UNC5A: variants seen among roughly 807,000 people sequenced by gnomAD.
The protein encoded by UNC5A is netrin receptor UNC5A.
Under a neutral mutation model 87.4 loss-of-function variants are expected in UNC5A, and 20 were observed. The observed-to-expected ratio is 0.23, with a 90% CI of 0.16 to 0.33. The LOEUF is 0.33. Among genes scored for constraint, UNC5A ranks in the 10% least tolerant of loss-of-function variants. The probability of loss-of-function intolerance (pLI) is 1.00; values close to 1 mark genes in which losing one functional copy is unlikely to be tolerated. For missense variants in UNC5A, 844 were observed against 1,133.4 expected (o/e 0.74, Z 3.67); for synonymous variants, 438 against 482.3 (o/e 0.91, Z 1.20).
Position 176,879,351 on chromosome 5 carries a change from G to C in UNC5A, c.2226G>C (p.Ala742=). Residue 742 remains alanine, a synonymous_variant, in exon 14 of 15, where the codon GCG becomes GCC. Transcript: ENST00000329542. ...FAELLALESE[A]GVPALVGPSA... ...AGCTGCTGGCTCTGGAGAGTGAAGC[G>C]GGGGTCCCAGCCCTGGTGGGCCCCA... 1.2e-6 allele frequency: 2 copies of C among 1,611,736 alleles called. No individual in the cohort carries two copies. The highest frequency in any genetic ancestry group is 8.5e-7 in the Non-Finnish European group (1 of 1,179,222).
intron 1 of UNC5A, among the ~76,000 whole-genome samples, chr5:176,846,472 G>A (rs1176961445): frequency 6.6e-6 from 1 of 152,172 alleles, no homozygotes; most frequent in Non-Finnish European, 1.5e-5. Context: ...GGGGACAGGT[G>A]AGCATCCTTG....
rs200296286 is a variant in UNC5A, at chr5:176,879,703, C to T, written c.2364-18C>T. On this transcript the variant is annotated intron_variant, in intron 14 of 14. Transcript: ENST00000329542. Reference sequence around the variant, plus strand: ...TGGGGCCAGGCCAGGCTGCTGACGGCCCCCCTCCCCTCCACAGCCATCTCA... The same window carrying T: ...TGGGGCCAGGCCAGGCTGCTGACGGTCCCCCTCCCCTCCACAGCCATCTCA... 264 of 1,608,754 alleles carry T rather than the reference C, an allele frequency of 1.6e-4. No homozygotes were observed. Among genetic ancestry groups the T allele is most frequent in the Non-Finnish European group, 2.0e-4 (237 of 1,177,814 alleles).
At chr5:176,853,465 G>T (rs1757594087) in intron 1 of UNC5A, among the ~76,000 whole-genome samples, 1 of 152,158 alleles carries the variant, frequency 6.6e-6, no homozygotes, top group Admixed American at 6.5e-5. Context: ...TGTCCTCCTC[G>T]TGACTCCTGT....
At chr5:176,847,289 G>A (rs1217233010) in intron 1 of UNC5A, among the ~76,000 whole-genome samples, 2 of 152,306 alleles carry the variant, frequency 1.3e-5, no homozygotes, top group Non-Finnish European at 1.5e-5. Flanking sequence ...GACAGGGCTG[G>A]CCTCTGGGAC....
At chr5:176,826,271 C>T (rs1365539076) in intron 1 of UNC5A, among the ~76,000 whole-genome samples, 1 of 152,238 alleles carries the variant, frequency 6.6e-6, no homozygotes, top group Non-Finnish European at 1.5e-5. Flanking sequence ...TCTGCCCCAT[C>T]TATGAAATGG....
intron 13 of UNC5A, 57 bp from the exon 14 acceptor site, chr5:176,879,253 G>T: frequency 6.6e-7 from 1 of 1,511,858 alleles, no homozygotes; most frequent in East Asian, 2.3e-5. Context: ...AGGAGGTGGC[G>T]GTGGACCCGG....
chr5:176,855,580 A>T (rs998903058), intron 1 of UNC5A, among the ~76,000 whole-genome samples: 4 of 152,324 alleles, frequency 2.6e-5, no homozygotes, highest in Admixed American at 2.6e-4. Context: ...GAACACGCAG[A>T]ACCCCTGAGA....
intron 1 of UNC5A, among the ~76,000 whole-genome samples, chr5:176,839,492 C>T (rs1757220946): frequency 6.6e-6 from 1 of 152,238 alleles, no homozygotes; most frequent in Non-Finnish European, 1.5e-5. Flanking sequence ...TGAGCCCAGG[C>T]AGGCCAGGAG....
rs1485190091 is a variant in UNC5A, at chr5:176,844,365, C to T, written c.71-18259C>T. ...GAGGTGGGCCCAGATCTGTGCAGGG[C>T]CCAGCCTCACTCTGTTCTCCTGGGC... is the stretch of plus-strand genomic sequence containing the variant. On this transcript the variant is annotated intron_variant, in intron 1 of 14. Coordinates refer to ENST00000329542, the MANE Select transcript of UNC5A (RefSeq NM_133369.3). This position sits in a 1 kb window ranked among gnomAD's most constrained non-coding sequence, Gnocchi z 4.2. Among the ~76,000 whole-genome samples, 4 of 152,164 alleles carry T rather than the reference C, an allele frequency of 2.6e-5. No homozygotes were observed. Among genetic ancestry groups the T allele is most frequent in the African/African-American group, 9.6e-5 (4 of 41,554 alleles).
Position 176,877,519 on chromosome 5 carries a change from T to C in UNC5A, c.1467-16T>C. ...ACTGACACCTTTCCCTCCCCACCCA[T>C]ATTTCCCCACTTGAGGTTGCCCCTA... is the stretch of plus-strand genomic sequence containing the variant. On this transcript the variant is annotated splice_polypyrimidine_tract_variant and intron_variant, in intron 9 of 14. Transcript: ENST00000329542. 6.4e-7 allele frequency: 1 copy of C among 1,572,210 alleles called. No individual in the cohort carries two copies.
rs756466470 is a variant in UNC5A at position 176,841,921 on chromosome 5, G to T, written c.71-20703G>T. On this transcript the variant is annotated intron_variant, in intron 1 of 14. Coordinates refer to ENST00000329542, the MANE Select transcript of UNC5A (RefSeq NM_133369.3). This position sits in a 1 kb window ranked among gnomAD's most constrained non-coding sequence, Gnocchi z 4.1. Reference sequence around the variant, plus strand: ...GGCCATAATCAAAAAATCAAGGCCGGGTGCGGTGGCTCACGCCGGTAATCC... The same window carrying T: ...GGCCATAATCAAAAAATCAAGGCCGTGTGCGGTGGCTCACGCCGGTAATCC... Among the ~76,000 whole-genome samples, 7 of 152,250 alleles carry T rather than the reference G, an allele frequency of 4.6e-5. No homozygotes were observed. The highest frequency in any genetic ancestry group is 7.3e-5 in the Non-Finnish European group (5 of 68,046).
intron 6 of UNC5A, 83 bp from the exon 7 acceptor site, chr5:176,873,885 T>A: frequency 6.8e-7 from 1 of 1,476,784 alleles, no homozygotes; most frequent in Non-Finnish European, 9.2e-7. Context: ...GCAGACCTCA[T>A]CCTCCTGGGG....
In UNC5A at chr5:176,868,970, C is replaced by A; in HGVS notation, c.721+6C>A. On this transcript the variant is annotated splice_donor_region_variant and intron_variant, in intron 5 of 14. Transcript: ENST00000329542. ...CGCTGCTGTCATCGTCTACGGTGGG[C>A]CCCGGGACTCCCTGGTCACAGGGAG... The A allele has an allele frequency of 6.3e-7, 1 of 1,589,800 alleles. No homozygotes were observed. Among genetic ancestry groups the A allele is most frequent in the Non-Finnish European group, 8.6e-7 (1 of 1,166,098 alleles).
chr5:176,874,103 C>T lies in UNC5A; in HGVS notation c.1022C>T (p.Ser341Leu), dbSNP rs765163054. The T allele has an allele frequency of 6.2e-7, 1 of 1,613,994 alleles. No homozygotes were observed. The highest frequency in any genetic ancestry group is 8.5e-7 in the Non-Finnish European group (1 of 1,179,970). Residue 341 changes from serine to leucine, a missense_variant, in exon 7 of 15, where the codon TCG becomes TTG. Physicochemically the swap from Ser to Leu is moderately radical, Grantham distance 145. This residue lies in a region of UNC5A where 353 missense variants were observed against 387.5 expected (regional missense o/e 0.91). Transcript: ENST00000329542. The surrounding 1 kb of genome is among the most constrained non-coding windows in gnomAD (Gnocchi z 7.6). Reference protein sequence around the residue: ...KEGLDSDVADSSILTSGFQPV... With the variant: ...KEGLDSDVADLSILTSGFQPV... ...GGGCTGGACTCAGATGTGGCTGACT[C>T]GTCCATTCTCACCTCAGGCTTCCAG...
At chr5:176,840,168 G>T (rs1757241904) in intron 1 of UNC5A, among the ~76,000 whole-genome samples, 1 of 152,188 alleles carries the variant, frequency 6.6e-6, no homozygotes, top group Admixed American at 6.5e-5. Flanking sequence ...CTTCATTAAA[G>T]TGTGAACCTT....
Position 176,869,554 on chromosome 5 carries a change from G to C in UNC5A, c.721+590G>C. 1 of 669,430 alleles carries C rather than the reference G, an allele frequency of 1.5e-6. No individual in the cohort carries two copies. Among genetic ancestry groups the C allele is most frequent in the Non-Finnish European group, 2.7e-6 (1 of 365,814 alleles). 41.5% of individuals were successfully genotyped at this position (669,430 alleles called of 1,614,324 possible). A position where few individuals can be genotyped will look rare whatever the true frequency, so the allele number is the denominator to read the frequency against. On this transcript the variant is annotated intron_variant, in intron 5 of 14. Transcript: ENST00000329542. This position sits in a 1 kb window ranked among gnomAD's most constrained non-coding sequence, Gnocchi z 9.1. ...CCTCTGCCCTCACGCCCCGTCCCCTGGGCCAGTGTATCTGAGGACGCCCCC... is the reference window on the plus strand; with the variant it reads ...CCTCTGCCCTCACGCCCCGTCCCCTCGGCCAGTGTATCTGAGGACGCCCCC...
In UNC5A at chr5:176,869,235, G is replaced by A. The variant is rs551022017; in HGVS notation, c.721+271G>A. Among the ~76,000 whole-genome samples the A allele has an allele frequency of 2.0e-5, 3 of 152,246 alleles. No homozygotes were observed. Among genetic ancestry groups the A allele is most frequent in the African/African-American group, 2.4e-5 (1 of 41,556 alleles). On this transcript the variant is annotated intron_variant, in intron 5 of 14. Transcript: ENST00000329542. This position sits in a 1 kb window ranked among gnomAD's most constrained non-coding sequence, Gnocchi z 9.1. ...GACAGGATGGGAATCTAGGAAAGGTGACAGGCTGTCCCCACTCCTGAGTCT... is the reference window on the plus strand; with the variant it reads ...GACAGGATGGGAATCTAGGAAAGGTAACAGGCTGTCCCCACTCCTGAGTCT...
At chr5:176,812,688 A>T (rs988660831) in intron 1 of UNC5A, among the ~76,000 whole-genome samples, 1 of 152,172 alleles carries the variant, frequency 6.6e-6, no homozygotes, top group Admixed American at 6.5e-5. Flanking sequence ...GCCTGGCCCA[A>T]GGTTGCCCAG....
intron 1 of UNC5A, among the ~76,000 whole-genome samples, chr5:176,853,314 G>A (rs552664710): frequency 4.6e-5 from 7 of 152,352 alleles, no homozygotes; most frequent in South Asian, 2.1e-4. Context: ...AGCAGTGGCC[G>A]GGGCGGAGGA....
Sources: allele counts gnomAD v4.1 joint callset (sites outside exome capture counted in the v4.1 genomes callset), GRCh38; gene constraint gnomAD v4.1.1; regional missense constraint gnomAD v4.1.1; non-coding constraint Gnocchi (gnomAD v3.1); transcripts MANE v1.5; gene names NCBI Gene and HGNC (gene_info 2026-07-23, HGNC 2026-07-21).